Variants in STK31 observed in about 807,000 individuals in gnomAD.
STK31 encodes serine/threonine-protein kinase 31.
STK31 carries 89 observed loss-of-function variants against 129.7 expected under a neutral mutation model. The observed-to-expected ratio is 0.69, with a 90% CI of 0.58 to 0.82. STK31 has a LOEUF of 0.82. Ranked by LOEUF, STK31 falls within the 40% of genes least tolerant of loss-of-function variation. The pLI, the probability that STK31 is intolerant of heterozygous loss-of-function variation, is 0.00. For missense variants in STK31, 1,187 were observed against 1,176.4 expected, an observed-to-expected ratio of 1.01 and a Z score of -0.13; for synonymous variants, 448 against 395.3, an observed-to-expected ratio of 1.13 and a Z score of -1.58.
intron 8 of STK31, among the ~76,000 whole-genome samples, chr7:23,751,552 G>GT (rs375382299): frequency 2.2e-4 from 34 of 152,158 alleles, no homozygotes; most frequent in African/African-American, 8.2e-4. Flanking sequence ...TGGGTGAAGT[G>GT]TTTTATAAAT....
intron 15 of STK31, among the ~76,000 whole-genome samples, chr7:23,776,914 A>G (rs775762500): frequency 6.6e-6 from 1 of 152,058 alleles, no homozygotes; most frequent in Non-Finnish European, 1.5e-5. Flanking sequence ...TTGTGATGTT[A>G]GGGTGTCGAT....
At chr7:23,808,186 A>G (rs1792839788) in intron 22 of STK31, among the ~76,000 whole-genome samples, 1 of 150,080 alleles carries the variant, frequency 6.7e-6, no homozygotes, top group East Asian at 2.0e-4. Context: ...GTAGGCAGCC[A>G]CCCTGTTTAG....
intron 15 of STK31, among the ~76,000 whole-genome samples, chr7:23,775,027 G>A (rs7805634): frequency 0.11 from 17,218 of 151,996 alleles, 1,234 homozygotes; most frequent in Non-Finnish European, 0.16. Context: ...CATTTATTAA[G>A]TAGGGAATCC....
At chr7:23,823,207 C>T (rs1793899425) in intron 23 of STK31, among the ~76,000 whole-genome samples, 3 of 152,116 alleles carry the variant, frequency 2.0e-5, no homozygotes, top group Admixed American at 6.5e-5. Flanking sequence ...GTTTACAGTC[C>T]CACCAACAGT....
intron 23 of STK31, among the ~76,000 whole-genome samples, chr7:23,825,592 A>G (rs1002878020): frequency 2.0e-5 from 3 of 152,086 alleles, no homozygotes; most frequent in Non-Finnish European, 4.4e-5. Flanking sequence ...TTGTGTCTAT[A>G]TGTACTTCAG....
At position 23,719,345 on chromosome 7, in the gene STK31, C is replaced by T. The variant is rs535849526; in HGVS notation, c.249+1766C>T. Among the ~76,000 whole-genome samples, 227 of 151,902 alleles carry T rather than the reference C, an allele frequency of 1.5e-3. 1 individual carries two copies. Among genetic ancestry groups the T allele is most frequent in the Non-Finnish European group, 1.3e-3 (86 of 67,914 alleles). On this transcript the variant is annotated intron_variant, in intron 4 of 23. Coordinates refer to ENST00000355870, the MANE Select transcript of STK31 (RefSeq NM_031414.5). Reference sequence around the variant, plus strand: ...TGAAAAAGCCAATCTTCAAATATATCCTCAACAAAAACTCCCTCCTAAATA... The same window carrying T: ...TGAAAAAGCCAATCTTCAAATATATTCTCAACAAAAACTCCCTCCTAAATA...
At position 23,735,627 on chromosome 7, in the gene STK31, G is replaced by C. The variant is rs767565653; in HGVS notation, c.573G>C (p.Gln191His). 2.5e-6 allele frequency: 4 copies of C among 1,613,968 alleles called. No individual in the cohort carries two copies. The highest frequency in any genetic ancestry group is 3.4e-6 in the Non-Finnish European group (4 of 1,180,026). The stretch of plus-strand genomic sequence containing the variant: ...CTGAAGATGGAACAGTTATTGCTCA[G>C]GCTGAGTATGGCAGTGTGGATATAG... ...ATSEDGTVIA[Q>H]AEYGSVDIGE... is the part of the protein sequence containing the mutation. The change falls in exon 7 of 24, where the codon CAG becomes CAC. Residue 191 changes from glutamine to histidine, a missense_variant. Physicochemically the swap from Gln to His is conservative, Grantham distance 24. Coordinates refer to ENST00000355870, the MANE Select transcript of STK31 (RefSeq NM_031414.5).
chr7:23,828,121 T>C (rs1174189875), intron 23 of STK31, among the ~76,000 whole-genome samples: 1 of 152,198 alleles, frequency 6.6e-6, no homozygotes, highest in Admixed American at 6.5e-5. Flanking sequence ...TCTTCAAAGC[T>C]GTCAGACAGG....
chr7:23,800,169 G>A (rs1584468926), intron 22 of STK31, among the ~76,000 whole-genome samples: 3 of 152,288 alleles, frequency 2.0e-5, no homozygotes, highest in Admixed American at 6.5e-5. Flanking sequence ...ATGGAAAATA[G>A]TGTAGCGATT....
At chr7:23,786,696 A>C in intron 19 of STK31, 63 bp downstream of exon 19, 2 of 1,572,488 alleles carry the variant, frequency 1.3e-6, no homozygotes, top group Non-Finnish European at 1.7e-6. Context: ...ATTTTATTTA[A>C]AATAAATTTT....
intron 6 of STK31, among the ~76,000 whole-genome samples, chr7:23,730,879 T>TATATATATATATATATATATATATATA (rs1491380351): frequency 1.3e-4 from 5 of 39,316 alleles, no homozygotes; most frequent in Admixed American, 3.6e-4. Context: ...TATATATATA[T>TATATATATATATATATATATATATATA]TTTTTTTTTT....
At chr7:23,710,463 G>T in intron 1 of STK31, 128 bp downstream of exon 1, 1 of 1,554,502 alleles carries the variant, frequency 6.4e-7, no homozygotes, top group Non-Finnish European at 8.7e-7. Flanking sequence ...CCTTCTAGCC[G>T]CCCGCCACCC....
chr7:23,710,643 A>G (rs1785893786), intron 1 of STK31: 1 of 1,209,738 alleles, frequency 8.3e-7, no homozygotes, highest in South Asian at 2.0e-5. Flanking sequence ...CCCTTATAAA[A>G]TAAGTGTCAG....
intron 8 of STK31, among the ~76,000 whole-genome samples, chr7:23,749,875 A>C (rs138240630): frequency 3.9e-4 from 60 of 152,194 alleles, no homozygotes; most frequent in African/African-American, 1.4e-3. Flanking sequence ...TGGCTAGAGT[A>C]GGATGGAATT....
chr7:23,729,299 C>T, intron 6 of STK31, 50 bp downstream of exon 6: 1 of 1,483,522 alleles, frequency 6.7e-7, no homozygotes, highest in South Asian at 1.4e-5. Flanking sequence ...AAACTATGTG[C>T]TTGAAACAAA....
chr7:23,808,850 A>G (rs1175933235), intron 22 of STK31, among the ~76,000 whole-genome samples: 1 of 151,818 alleles, frequency 6.6e-6, no homozygotes, highest in Non-Finnish European at 1.5e-5. Flanking sequence ...GTGTGACTGG[A>G]ATAGGGTATA....
At chr7:23,806,615 G>T (rs1792716645) in intron 22 of STK31, among the ~76,000 whole-genome samples, 1 of 152,024 alleles carries the variant, frequency 6.6e-6, no homozygotes, top group East Asian at 1.9e-4. Flanking sequence ...AGAGATACAG[G>T]TTGGGCCGGG....
At chr7:23,826,724 C>T (rs1273515587) in intron 23 of STK31, among the ~76,000 whole-genome samples, 1 of 152,148 alleles carries the variant, frequency 6.6e-6, no homozygotes, top group Non-Finnish European at 1.5e-5. Flanking sequence ...CATGTTTTTG[C>T]AGTGGCTGGT....
chr7:23,755,458 A>G (rs981820445), intron 10 of STK31, among the ~76,000 whole-genome samples: 4 of 152,194 alleles, frequency 2.6e-5, no homozygotes, highest in African/African-American at 9.7e-5. Context: ...TTGCCTGTTC[A>G]CTGTGATGAT....
Sources: gnomAD v4.1 joint callset for allele counts (sites outside exome capture counted in the v4.1 genomes callset) on GRCh38, gnomAD v4.1.1 for gene constraint, MANE v1.5 for transcripts, NCBI Gene and HGNC (gene_info 2026-07-23, HGNC 2026-07-21) for gene names.